Variants in PEX5L observed in about 807,000 individuals in gnomAD.
PEX5L encodes the protein PEX5-related protein.
A neutral mutation model predicts 84.0 loss-of-function variants in PEX5L; 30 were observed. That is an observed-to-expected ratio of 0.36 (90% CI 0.27 to 0.48). The LOEUF (loss-of-function observed/expected upper bound fraction) is 0.48, where lower values mean the gene tolerates loss of function less well. Ranked by LOEUF, PEX5L falls within the 20% of genes least tolerant of loss-of-function variation. The pLI, the probability that PEX5L is intolerant of heterozygous loss-of-function variation, is 0.99. For synonymous variants in PEX5L, 270 were observed against 283.1 expected, an observed-to-expected ratio of 0.95 and a Z score of 0.46; for missense variants, 533 against 754.6, an observed-to-expected ratio of 0.71 and a Z score of 3.44.
intron 7 of PEX5L, among the ~76,000 whole-genome samples, 195 bp downstream of exon 7, chr3:179,874,132 C>CAT (rs10641654): frequency 0.4 from 60,392 of 149,428 alleles, 12,845 homozygotes; most frequent in East Asian, 0.78. Flanking sequence ...TGTAGATATA[C>CAT]ATATATATAT....
intron 1 of PEX5L, among the ~76,000 whole-genome samples, chr3:180,026,765 G>A (rs1790993345): frequency 6.6e-6 from 1 of 152,054 alleles, no homozygotes; most frequent in African/African-American, 2.4e-5. Flanking sequence ...TATCTCTCAA[G>A]CCAGGCTGGA....
intron 8 of PEX5L, among the ~76,000 whole-genome samples, chr3:179,846,233 A>G (rs1739292967): frequency 6.6e-6 from 1 of 152,192 alleles, no homozygotes; most frequent in Non-Finnish European, 1.5e-5. Flanking sequence ...TAAGAGTTGT[A>G]CATATTTATG....
chr3:180,036,071 G>A (rs1272252660), intron 1 of PEX5L, among the ~76,000 whole-genome samples: 1 of 152,160 alleles, frequency 6.6e-6, no homozygotes, highest in African/African-American at 2.4e-5. Flanking sequence ...TGGAGTAGAT[G>A]GCAATGTCCC....
chr3:179,821,646 C>T (rs1470179862), intron 8 of PEX5L, among the ~76,000 whole-genome samples: 1 of 152,204 alleles, frequency 6.6e-6, no homozygotes, highest in Non-Finnish European at 1.5e-5. Context: ...AACAAGGCAG[C>T]AGGCATCTTG....
At position 179,795,023 on chromosome 3, in the gene PEX5L, G is replaced by C. The variant is rs1716363058; in HGVS notation, c.*6805C>G. 6.6e-6 allele frequency: 1 copy of C among 152,070 alleles called. No homozygotes were observed. The highest frequency in any genetic ancestry group is 2.4e-5 in the African/African-American group (1 of 41,404). The allele number at this position is 152,070 out of a possible 1,614,324, so 9.4% of individuals were successfully genotyped here. ...CAATTTCAGGTTAAATAATATTTTA[G>C]TCTTAAAAAATTAACAAAGGAGGAA... On this transcript the variant is annotated 3_prime_UTR_variant, in exon 15 of 15. Transcript: ENST00000467460.
intron 1 of PEX5L, among the ~76,000 whole-genome samples, chr3:180,015,438 T>C (rs1401125833): frequency 6.6e-6 from 1 of 152,196 alleles, no homozygotes; most frequent in Non-Finnish European, 1.5e-5. Flanking sequence ...ATGCTCTTAG[T>C]ATAACAGAAG....
intron 2 of PEX5L, among the ~76,000 whole-genome samples, chr3:179,918,070 C>G (rs898473625): frequency 6.6e-6 from 1 of 152,128 alleles, no homozygotes; most frequent in Non-Finnish European, 1.5e-5. Flanking sequence ...GAGAGGTTAC[C>G]TGGGAAGAAC....
rs954534809 is a variant in PEX5L, at chr3:179,797,967, A to G, written c.*3861T>C. The stretch of plus-strand genomic sequence containing the variant: ...ATGAGGAAGGGTCTCAGAATGATCA[A>G]CTTGCTTTCTCTGTATTCCCAAGCT... On this transcript the variant is annotated 3_prime_UTR_variant, in exon 15 of 15. Coordinates refer to ENST00000467460, the MANE Select transcript of PEX5L (RefSeq NM_016559.3). 1.3e-5 allele frequency: 2 copies of G among 152,194 alleles called. No individual in the cohort carries two copies. The highest frequency in any genetic ancestry group is 2.9e-5 in the Non-Finnish European group (2 of 68,032). The allele number at this position is 152,194 out of a possible 1,614,324, so 9.4% of individuals were successfully genotyped here.
At chr3:179,941,610 G>A (rs919306051) in intron 2 of PEX5L, among the ~76,000 whole-genome samples, 3 of 152,278 alleles carry the variant, frequency 2.0e-5, no homozygotes, top group East Asian at 1.9e-4. Context: ...CAGTCTGTGC[G>A]ATGCCAAAAT....
At chr3:179,848,433 C>A (rs1486387400) in intron 8 of PEX5L, among the ~76,000 whole-genome samples, 3 of 151,628 alleles carry the variant, frequency 2.0e-5, no homozygotes, top group African/African-American at 7.3e-5. Flanking sequence ...TGTCTATAGT[C>A]CCAGCTACTC....
At chr3:179,945,085 A>C (rs1270356689) in intron 2 of PEX5L, among the ~76,000 whole-genome samples, 1 of 152,228 alleles carries the variant, frequency 6.6e-6, no homozygotes, top group African/African-American at 2.4e-5. Context: ...GACATAACAG[A>C]GTGAAAAATT....
intron 1 of PEX5L, among the ~76,000 whole-genome samples, chr3:179,982,901 G>A (rs1786462715): frequency 6.6e-6 from 1 of 151,850 alleles, no homozygotes; most frequent in South Asian, 2.1e-4. Flanking sequence ...CTTTTTAAAT[G>A]ATCAAAGTAT....
intron 3 of PEX5L, among the ~76,000 whole-genome samples, chr3:179,895,128 A>G (rs961920893): frequency 7.9e-5 from 12 of 152,156 alleles, no homozygotes; most frequent in Non-Finnish European, 1.8e-4. Context: ...TAAAAAAGTA[A>G]AAGAAACAAG....
In PEX5L at chr3:180,031,271, T is replaced by C. The variant is rs1174797557; in HGVS notation, c.21+5308A>G. On this transcript the variant is annotated intron_variant, in intron 1 of 14. Coordinates refer to ENST00000467460, the MANE Select transcript of PEX5L (RefSeq NM_016559.3). ...CTATAATATAGTAATATATAAGCTA[T>C]AATAATTTTTCTGAGCAGACTGGGA... Among the ~76,000 whole-genome samples the C allele has an allele frequency of 2.6e-5, 4 of 152,248 alleles. No homozygotes were observed. The East Asian group carries it at 7.7e-4, about 29-fold the overall frequency.
chr3:179,893,416 C>T (rs1347715984), intron 3 of PEX5L, among the ~76,000 whole-genome samples: 11 of 152,082 alleles, frequency 7.2e-5, no homozygotes, highest in Non-Finnish European at 4.4e-5. Flanking sequence ...TTTTTTGTTA[C>T]TTAAACTACA....
At chr3:179,883,720 G>T (rs1754877206) in intron 4 of PEX5L, among the ~76,000 whole-genome samples, 1 of 152,140 alleles carries the variant, frequency 6.6e-6, no homozygotes, top group African/African-American at 2.4e-5. Flanking sequence ...GGAGGCGGAG[G>T]TTGCGGTGAG....
At chr3:180,002,909 A>T (rs1179600599) in intron 1 of PEX5L, among the ~76,000 whole-genome samples, 1 of 152,158 alleles carries the variant, frequency 6.6e-6, no homozygotes, top group African/African-American at 2.4e-5. Context: ...AAATTGTCCC[A>T]TAAAGATCTA....
At position 179,879,985 on chromosome 3, in the gene PEX5L, T is replaced by A. The variant is rs779565333; in HGVS notation, c.449A>T (p.Asp150Val). The A allele has an allele frequency of 1.2e-6, 2 of 1,613,050 alleles. No homozygotes were observed. The highest frequency in any genetic ancestry group is 1.7e-5 in the Admixed American group (1 of 59,802). The change falls in exon 5 of 15, where the codon GAT becomes GTT. Residue 150 changes from aspartate (D) to valine (V), a missense_variant. By Grantham distance (152) the Asp-to-Val change is radical. Coordinates refer to ENST00000467460, the MANE Select transcript of PEX5L (RefSeq NM_016559.3). ...GAGAGGCTGGCCTCTCTGCTCAGCA[T>A]CCGTGCTGATGAGGTCAGATCCATC... is the stretch of plus-strand genomic sequence containing the variant. ...KADGSDLIST[D>V]AEQRGQPLRV...
At chr3:179,959,060 G>GA (rs11367594) in intron 2 of PEX5L, among the ~76,000 whole-genome samples, 48 of 146,488 alleles carry the variant, frequency 3.3e-4, no homozygotes, top group African/African-American at 7.3e-4. Flanking sequence ...AAACAAAACC[G>GA]AAAAAAAAAA....
Sources: gnomAD v4.1 joint callset for allele counts (sites outside exome capture counted in the v4.1 genomes callset) on GRCh38, gnomAD v4.1.1 for gene constraint, MANE v1.5 for transcripts, NCBI Gene and HGNC (gene_info 2026-07-23, HGNC 2026-07-21) for gene names.